Variants in NCAM1 observed in about 807,000 individuals in gnomAD.
NCAM1 encodes neural cell adhesion molecule 1.
Under a neutral mutation model 109.8 loss-of-function variants are expected in NCAM1, and 14 were observed. That is an observed-to-expected ratio of 0.13 (90% CI 0.08 to 0.20). The LOEUF is 0.20. NCAM1 is among the 10% of genes least tolerant of loss of function. The pLI is 1.00. For synonymous variants in NCAM1, 418 were observed against 442.9 expected (o/e 0.94, Z 0.70); for missense variants, 774 against 1,109.9 (o/e 0.70, Z 4.30).
chr11:113,260,139 C>T lies in NCAM1; in HGVS notation c.1954-7C>T. On this transcript the variant is annotated splice_region_variant and splice_polypyrimidine_tract_variant and intron_variant, in intron 16 of 19. Coordinates refer to ENST00000316851, the MANE Select transcript of NCAM1 (RefSeq NM_181351.5). The stretch of plus-strand genomic sequence containing the variant: ...CTTGTATCCTTCTTGCCGGTTTCTC[C>T]CAGAAGCTCTCCTCCGAGTGGAAAC... The T allele has an allele frequency of 6.2e-7, 1 of 1,606,146 alleles. No homozygotes were observed. The highest frequency in any genetic ancestry group is 8.5e-7 in the Non-Finnish European group (1 of 1,177,426).
Position 113,206,108 on chromosome 11 carries a change from A to G in NCAM1, c.556A>G (p.Thr186Ala). Reference sequence around the variant, plus strand: ...GGGCATCAAGAAAACAGATGAGGGCACTTATCGCTGTGAGGGCAGAATCCT... The same window carrying G: ...GGGCATCAAGAAAACAGATGAGGGCGCTTATCGCTGTGAGGGCAGAATCCT... Reference protein sequence around the residue: ...IRGIKKTDEGTYRCEGRILAR... With the variant: ...IRGIKKTDEGAYRCEGRILAR... Residue 186 changes from threonine to alanine, a missense_variant, in exon 5 of 20, where the codon ACT becomes GCT. Coordinates refer to ENST00000316851, the MANE Select transcript of NCAM1 (RefSeq NM_181351.5). The G allele has an allele frequency of 1.9e-6, 3 of 1,613,958 alleles. No homozygotes were observed. The highest frequency in any genetic ancestry group is 1.3e-5 in the African/African-American group (1 of 75,054).
Position 113,270,412 on chromosome 11 carries a change from C to T in NCAM1, c.2339+17C>T, listed in dbSNP as rs17115295. On this transcript the variant is annotated intron_variant, in intron 18 of 19. Coordinates refer to ENST00000316851, the MANE Select transcript of NCAM1 (RefSeq NM_181351.5). Reference sequence around the variant, plus strand: ...CGCCTTCTCGTGAGTGCAGACCTGTCCACCTTGCTGAGGTTTGGGCTCTGC... The same window carrying T: ...CGCCTTCTCGTGAGTGCAGACCTGTTCACCTTGCTGAGGTTTGGGCTCTGC... 6.4e-3 allele frequency: 10,267 copies of T among 1,613,148 alleles called. 50 individuals carry two copies. The highest frequency in any genetic ancestry group is 0.018 in the Middle Eastern group (110 of 6,062).
intron 1 of NCAM1, among the ~76,000 whole-genome samples, chr11:113,175,315 G>A (rs995968899): frequency 7.9e-5 from 12 of 152,220 alleles, no homozygotes; most frequent in Non-Finnish European, 1.6e-4. Context: ...CTGTTTGAAT[G>A]AAGGTGGCAA....
chr11:113,224,791 G>A (rs1324733521), intron 9 of NCAM1, among the ~76,000 whole-genome samples: 1 of 152,206 alleles, frequency 6.6e-6, no homozygotes, highest in Non-Finnish European at 1.5e-5. Context: ...TCGCTGTTCT[G>A]CAGCCTCCGC....
Position 113,043,009 on chromosome 11 carries a change from A to G in NCAM1, c.52+81345A>G, listed in dbSNP as rs1402713076. Among the ~76,000 whole-genome samples the G allele has an allele frequency of 3.3e-5, 5 of 152,120 alleles. No individual in the cohort carries two copies. The East Asian group carries it at 7.7e-4, about 23-fold the overall frequency. On this transcript the variant is annotated intron_variant, in intron 1 of 19. Transcript: ENST00000316851. ...TGTATTCTCAAATTCTTATTTTGCC[A>G]TTTAAAACTTTCTGTGATCTAGACC...
chr11:113,246,379 CT>C lies in NCAM1; in HGVS notation c.1828+12del. 1 of 740,844 alleles carries C rather than the reference CT, an allele frequency of 1.3e-6. No homozygotes were observed. Among genetic ancestry groups the C allele is most frequent in the Non-Finnish European group, 2.5e-6 (1 of 404,992 alleles). The allele number at this position is 740,844 out of a possible 1,614,324, so 45.9% of individuals were successfully genotyped here. On this transcript the variant is annotated intron_variant, in intron 15 of 19. Transcript: ENST00000316851. ...ACGCTGGTGAACAGAAGGTAAAACT[CT>C]TTGTTCTGATTAGTGAAATAAATCT... is the stretch of plus-strand genomic sequence containing the variant.
chr11:113,245,853 C>CCCATA (rs1365338852), intron 14 of NCAM1, among the ~76,000 whole-genome samples: 1 of 152,214 alleles, frequency 6.6e-6, no homozygotes, highest in African/African-American at 2.4e-5. Flanking sequence ...TCCTTGATGA[C>CCCATA]CCATATTCTG....
rs1555073910 is a variant in NCAM1, at chr11:113,009,312, G to GTTTTTTTGTTGTTTTTTTT, written c.52+47655_52+47656insGTTGTTTTTTTTTTTTTTT. Reference sequence around the variant, plus strand: ...GATTTAATTGGAAGGGTTTTTTCGGGTTTTTTTTTTTTTTTTTTTTTTTTT... The same window carrying GTTTTTTTGTTGTTTTTTTT: ...GATTTAATTGGAAGGGTTTTTTCGGGTTTTTTTGTTGTTTTTTTTTTTTTTTTTTTTTTTTTTTTTTTTT... On this transcript the variant is annotated intron_variant, in intron 1 of 19. Transcript: ENST00000316851. Among the ~76,000 whole-genome samples the GTTTTTTTGTTGTTTTTTTT allele has an allele frequency of 4.9e-4, 39 of 79,680 alleles. 5 individuals are homozygous for GTTTTTTTGTTGTTTTTTTT. Among genetic ancestry groups the GTTTTTTTGTTGTTTTTTTT allele is most frequent in the East Asian group, 3.7e-3 (7 of 1,916 alleles). The allele number at this position is 79,680 out of a possible 152,430, so 52.3% of individuals were successfully genotyped here.
At chr11:113,270,037 C>A in intron 17 of NCAM1, 151 bp from the exon 18 acceptor site, 1 of 711,806 alleles carries the variant, frequency 1.4e-6, no homozygotes. Flanking sequence ...AATTCTGGGG[C>A]ATAGAAGGTC....
At chr11:113,017,935 A>C (rs1952259139) in intron 1 of NCAM1, among the ~76,000 whole-genome samples, 1 of 152,224 alleles carries the variant, frequency 6.6e-6, no homozygotes, top group African/African-American at 2.4e-5. Flanking sequence ...CTTCCAACAA[A>C]CAATTATAAA....
intron 1 of NCAM1, among the ~76,000 whole-genome samples, chr11:113,189,433 G>C (rs1388970265): frequency 7.5e-6 from 1 of 133,458 alleles, no homozygotes; most frequent in Non-Finnish European, 1.5e-5. Context: ...CTGGGTGACA[G>C]AGCGAGATTC....
At position 113,273,035 on chromosome 11, in the gene NCAM1, G is replaced by A. The variant is rs1946317603; in HGVS notation, c.2456+1159G>A. ...TCACCGAAACCTTTGCCACTGCTCA[G>A]AACAGCCCCACCAGTGAGACCACCA... On this transcript the variant is annotated intron_variant, in intron 19 of 19. Coordinates refer to ENST00000316851, the MANE Select transcript of NCAM1 (RefSeq NM_181351.5). This position sits in a 1 kb window ranked among gnomAD's most constrained non-coding sequence, Gnocchi z 6.0. The A allele has an allele frequency of 2.2e-6, 1 of 456,656 alleles. No individual in the cohort carries two copies. The highest frequency in any genetic ancestry group is 4.4e-6 in the Non-Finnish European group (1 of 226,956). 28.3% of individuals were successfully genotyped at this position (456,656 alleles called of 1,614,324 possible).
intron 1 of NCAM1, chr11:113,133,333 T>A (rs1941477063): frequency 6.6e-6 from 1 of 152,254 alleles, no homozygotes; most frequent in Non-Finnish European, 1.5e-5. Flanking sequence ...TCCAAGGACG[T>A]AATCTGACTG....
intron 19 of NCAM1, 129 bp from the exon 20 acceptor site, chr11:113,275,138 C>T: frequency 8.1e-7 from 1 of 1,239,096 alleles, no homozygotes; most frequent in Non-Finnish European, 1.1e-6. Flanking sequence ...ATTTGACGGG[C>T]AGAGGTTGGA....
intron 14 of NCAM1, among the ~76,000 whole-genome samples, chr11:113,235,875 T>C (rs1945153388): frequency 6.6e-6 from 1 of 152,196 alleles, no homozygotes; most frequent in Admixed American, 6.5e-5. Context: ...AGCCAGGCTG[T>C]GGGCAAGCCC....
intron 15 of NCAM1, among the ~76,000 whole-genome samples, chr11:113,246,999 C>G (rs1893697): frequency 0.013 from 1,946 of 152,230 alleles, 23 homozygotes; most frequent in Admixed American, 0.02. Flanking sequence ...GGGAGAAAAT[C>G]AAAGCAAAAG....
intron 1 of NCAM1, among the ~76,000 whole-genome samples, chr11:113,069,216 CGAG>C (rs1938141720): frequency 6.6e-6 from 1 of 152,018 alleles, no homozygotes; most frequent in South Asian, 2.1e-4. Context: ...CTAGAGAAAA[CGAG>C]GCACTCAAAC....
intron 1 of NCAM1, among the ~76,000 whole-genome samples, chr11:113,184,838 G>A (rs1421150608): frequency 6.6e-6 from 1 of 152,032 alleles, no homozygotes; most frequent in African/African-American, 2.4e-5. Context: ...ATGTCAAACT[G>A]TGTGCTAAGG....
chr11:113,007,690 C>T (rs1951924692), intron 1 of NCAM1, among the ~76,000 whole-genome samples: 1 of 152,174 alleles, frequency 6.6e-6, no homozygotes, highest in African/African-American at 2.4e-5. Context: ...GCATGAATAT[C>T]CCAAGTACCA....
Sources: allele counts gnomAD v4.1 joint callset (sites outside exome capture counted in the v4.1 genomes callset), GRCh38; gene constraint gnomAD v4.1.1; non-coding constraint Gnocchi (gnomAD v3.1); transcripts MANE v1.5; gene names NCBI Gene and HGNC (gene_info 2026-07-23, HGNC 2026-07-21).